Variants in SBF2 observed in about 807,000 individuals in gnomAD.
The protein encoded by SBF2 is SET binding factor 2, also known as myotubularin-related protein 13.
In SBF2, 112 loss-of-function variants were observed where a neutral mutation model predicts 225.2. That is an observed-to-expected ratio of 0.50 (90% confidence interval 0.43 to 0.58). The LOEUF (loss-of-function observed/expected upper bound fraction) is 0.58, where lower values mean the gene tolerates loss of function less well. SBF2 is among the 20% of genes least tolerant of loss of function. The probability of loss-of-function intolerance (pLI) is 0.00; values close to 1 mark genes in which losing one functional copy is unlikely to be tolerated. For missense variants in SBF2, 1,996 were observed against 2,206.2 expected, an observed-to-expected ratio of 0.90 and a Z score of 1.91; for synonymous variants, 763 against 773.3, an observed-to-expected ratio of 0.99 and a Z score of 0.22.
intron 2 of SBF2, among the ~76,000 whole-genome samples, chr11:10,100,554 G>A (rs912763923): frequency 6.6e-6 from 1 of 152,230 alleles, no homozygotes; most frequent in Non-Finnish European, 1.5e-5. Context: ...CCCTACCACA[G>A]GGTGTCTGTC....
intron 1 of SBF2, among the ~76,000 whole-genome samples, chr11:10,251,952 T>A (rs1388408862): frequency 6.6e-6 from 1 of 152,196 alleles, no homozygotes; most frequent in African/African-American, 2.4e-5. Context: ...AACAAAATTA[T>A]GGGAGGCTAA....
At chr11:10,113,204 G>A (rs935080162) in intron 2 of SBF2, among the ~76,000 whole-genome samples, 3 of 152,116 alleles carry the variant, frequency 2.0e-5, no homozygotes, top group African/African-American at 7.2e-5. Context: ...ATGTTGCCCA[G>A]GCTCATCTCA....
At chr11:10,279,672 CAG>C (rs1209467411) in intron 1 of SBF2, among the ~76,000 whole-genome samples, 3 of 152,158 alleles carry the variant, frequency 2.0e-5, no homozygotes, top group African/African-American at 7.2e-5. Flanking sequence ...GTTTTTGAGA[CAG>C]AGTCTCCCTC....
intron 14 of SBF2, among the ~76,000 whole-genome samples, chr11:9,967,637 C>T (rs181992822): frequency 4.9e-4 from 75 of 152,180 alleles, no homozygotes; most frequent in African/African-American, 1.7e-3. Context: ...ACATTCTTGC[C>T]GGGTGCAGTG....
chr11:10,000,875 T>C (rs1947925922), intron 8 of SBF2, 39 bp downstream of exon 8: 1 of 1,038,176 alleles, frequency 9.6e-7, no homozygotes, highest in Non-Finnish European at 1.5e-6. Context: ...GATAAACTTC[T>C]GGACTCAATA....
intron 3 of SBF2, among the ~76,000 whole-genome samples, chr11:10,040,308 C>T (rs1052128156): frequency 6.6e-6 from 1 of 151,960 alleles, no homozygotes; most frequent in African/African-American, 2.4e-5. Context: ...CGGATGTGTA[C>T]TCTTAGAAGG....
intron 1 of SBF2, chr11:10,272,076 G>C (rs1962526363): frequency 8.8e-7 from 1 of 1,141,636 alleles, no homozygotes; most frequent in African/African-American, 1.6e-5. Context: ...CAGGATCTAG[G>C]CTCCCGGAAG....
At chr11:9,850,331 C>A (rs1590219191) in intron 21 of SBF2, 113 bp from the exon 22 acceptor site, 1 of 963,148 alleles carries the variant, frequency 1.0e-6, no homozygotes. Context: ...TCATAGTTCA[C>A]TGCAGCATCA....
At chr11:9,998,138 CA>C in intron 9 of SBF2, 127 bp downstream of exon 9, 1 of 645,444 alleles carries the variant, frequency 1.5e-6, no homozygotes, top group Non-Finnish European at 2.7e-6. Flanking sequence ...AGATTATGTT[CA>C]TGTTTCAAAT....
chr11:9,825,690 A>T (rs753651783), intron 28 of SBF2, among the ~76,000 whole-genome samples: 1 of 152,248 alleles, frequency 6.6e-6, no homozygotes, highest in Non-Finnish European at 1.5e-5. Flanking sequence ...TCTGAACCAA[A>T]TTCTAGGAAT....
chr11:9,826,643 G>A lies in SBF2; in HGVS notation c.3793+2713C>T, dbSNP rs1018294761. Reference sequence around the variant, plus strand: ...TCACAAATGTAAGGGATTATTTTGGGGAAGAAATGAGTTTCCCATTACTGA... The same window carrying A: ...TCACAAATGTAAGGGATTATTTTGGAGAAGAAATGAGTTTCCCATTACTGA... On this transcript the variant is annotated intron_variant, in intron 28 of 39. Coordinates refer to ENST00000256190, the MANE Select transcript of SBF2 (RefSeq NM_030962.4). Among the ~76,000 whole-genome samples the A allele has an allele frequency of 2.6e-5, 4 of 151,740 alleles. No homozygotes were observed. The East Asian group carries it at 7.8e-4, about 30-fold the overall frequency.
At chr11:10,010,616 T>C (rs1948407597) in intron 6 of SBF2, among the ~76,000 whole-genome samples, 1 of 152,192 alleles carries the variant, frequency 6.6e-6, no homozygotes. Flanking sequence ...TTGGTACCAG[T>C]ACCATGCTGT....
At chr11:9,929,168 G>A (rs1170961150) in intron 16 of SBF2, 1 of 222,914 alleles carries the variant, frequency 4.5e-6, no homozygotes, top group East Asian at 1.2e-4. Context: ...GTGCCGAAGA[G>A]CTCACCATTG....
intron 2 of SBF2, among the ~76,000 whole-genome samples, chr11:10,052,099 T>C (rs1950086284): frequency 6.6e-6 from 1 of 151,930 alleles, no homozygotes; most frequent in Non-Finnish European, 1.5e-5. Flanking sequence ...TGATAAGCAT[T>C]ATACAAACAG....
intron 1 of SBF2, among the ~76,000 whole-genome samples, chr11:10,232,313 C>G (rs933357422): frequency 1.2e-4 from 19 of 152,210 alleles, no homozygotes; most frequent in African/African-American, 4.3e-4. Context: ...CACCCACTAT[C>G]CTGCACCCAC....
intron 2 of SBF2, among the ~76,000 whole-genome samples, chr11:10,062,889 G>C (rs1013881224): frequency 1.3e-5 from 2 of 152,118 alleles, no homozygotes; most frequent in African/African-American, 2.4e-5. Context: ...CCAGACACGT[G>C]AATGTTCACT....
intron 3 of SBF2, among the ~76,000 whole-genome samples, chr11:10,035,246 T>C (rs529476540): frequency 4.5e-4 from 68 of 151,952 alleles, no homozygotes; most frequent in Non-Finnish European, 8.4e-4. Context: ...AGTGCTGGGA[T>C]TACAGGTATG....
chr11:10,296,835 G>A (rs185844735), upstream of SBF2, among the ~76,000 whole-genome samples: 1 of 152,236 alleles, frequency 6.6e-6, no homozygotes, highest in African/African-American at 2.4e-5. Flanking sequence ...ATGCACTAGG[G>A]TTCTGATTTC....
At chr11:10,093,703 A>G (rs769165876) in intron 2 of SBF2, among the ~76,000 whole-genome samples, 33 of 152,234 alleles carry the variant, frequency 2.2e-4, no homozygotes, top group Non-Finnish European at 4.1e-4. Flanking sequence ...TTCAAAAATA[A>G]TAACTTTTAA....
Sources: allele counts gnomAD v4.1 joint callset (sites outside exome capture counted in the v4.1 genomes callset), GRCh38; gene constraint gnomAD v4.1.1; transcripts MANE v1.5; gene names NCBI Gene and HGNC (gene_info 2026-07-23, HGNC 2026-07-21).